ARHGEF11: variants seen among roughly 807,000 people sequenced by gnomAD.
ARHGEF11 encodes Rho guanine exchange factor (GEF) 11.
A neutral mutation model predicts 193.7 loss-of-function variants in ARHGEF11; 55 were observed. The observed-to-expected ratio is 0.28, with a 90% CI of 0.23 to 0.36. The LOEUF (loss-of-function observed/expected upper bound fraction) is 0.36. Among genes scored for constraint, ARHGEF11 ranks in the 10% least tolerant of loss-of-function variants. ARHGEF11 has a pLI of 1.00. For synonymous variants in ARHGEF11, 693 were observed against 768.0 expected (o/e 0.90, Z 1.62); for missense variants, 1,723 against 2,005.6 (o/e 0.86, Z 2.69).
In ARHGEF11 at chr1:156,948,148, CCAAA is replaced by C. The variant is rs758393746; in HGVS notation, c.2153+29_2153+32del. ...TGGGTGTGGATGGGACACAGAGACA[CCAAA>C]CAGAGGCACCACCGTGCCCATCACT... On this transcript the variant is annotated intron_variant, in intron 24 of 40. Transcript: ENST00000368194. This position sits in a 1 kb window ranked among gnomAD's most constrained non-coding sequence, Gnocchi z 4.2. 17 of 1,544,506 alleles carry C rather than the reference CCAAA, an allele frequency of 1.1e-5. No homozygotes were observed. The highest frequency in any genetic ancestry group is 5.7e-5 in the Admixed American group (3 of 52,264).
intron 37 of ARHGEF11, 184 bp from the exon 38 acceptor site, chr1:156,938,697 T>A: frequency 2.0e-6 from 1 of 510,722 alleles, no homozygotes. Context: ...TTTCCACCAA[T>A]TCACCGAGAG....
chr1:156,951,468 G>C, intron 22 of ARHGEF11, 105 bp downstream of exon 22: 2 of 1,479,190 alleles, frequency 1.4e-6, no homozygotes, highest in Non-Finnish European at 1.8e-6. Flanking sequence ...GGGAGCCTTA[G>C]AAGCTAGTGG....
chr1:156,951,827 G>C (rs1659155689), intron 21 of ARHGEF11, 128 bp from the exon 22 acceptor site: 8 of 1,224,822 alleles, frequency 6.5e-6, no homozygotes, highest in Non-Finnish European at 1.2e-6. Flanking sequence ...ACTGGACCAA[G>C]AGTCAGGAGA....
At chr1:157,035,277 G>A (rs1383937377) in intron 1 of ARHGEF11, among the ~76,000 whole-genome samples, 7 of 152,138 alleles carry the variant, frequency 4.6e-5, no homozygotes, top group Non-Finnish European at 1.5e-5. Context: ...CAGGACTGAG[G>A]GTAATTCAAG....
intron 21 of ARHGEF11, among the ~76,000 whole-genome samples, chr1:156,952,340 G>A (rs1659236283): frequency 1.3e-5 from 2 of 152,156 alleles, no homozygotes; most frequent in South Asian, 2.1e-4. Context: ...AGAGAGGGCA[G>A]ATGGTAGAGT....
intron 2 of ARHGEF11, 40 bp downstream of exon 2, chr1:156,986,042 T>G: frequency 6.5e-7 from 1 of 1,546,290 alleles, no homozygotes; most frequent in Non-Finnish European, 8.9e-7. Context: ...TGTGCCACCA[T>G]GCCTGGCTGT....
chr1:157,019,706 C>G (rs1260969881), intron 1 of ARHGEF11, among the ~76,000 whole-genome samples: 1 of 152,054 alleles, frequency 6.6e-6, no homozygotes, highest in Non-Finnish European at 1.5e-5. Flanking sequence ...GATAGACACA[C>G]CAATATAGAT....
chr1:157,025,335 CG>C (rs1244163511), intron 1 of ARHGEF11, among the ~76,000 whole-genome samples: 1 of 152,274 alleles, frequency 6.6e-6, no homozygotes, highest in African/African-American at 2.4e-5. Context: ...TTATCTTCCC[CG>C]ATGCATGTCG....
chr1:156,960,452 T>C lies in ARHGEF11; in HGVS notation c.1248A>G (p.Arg416=), dbSNP rs1557862963. 4 of 1,614,046 alleles carry C rather than the reference T, an allele frequency of 2.5e-6. No homozygotes were observed. The highest frequency in any genetic ancestry group is 1.7e-5 in the Admixed American group (1 of 60,018). The part of the protein sequence containing the change: ...NIFLEKNAPL[R]VKIPEMLQAE... ...CCTGTAGCATCTCAGGGATCTTCAC[T>C]CTCAGAGGCTAAAAAACAGAAGTGT... The change falls in exon 15 of 41, where the codon AGA becomes AGG. Residue 416 remains arginine (R), a synonymous_variant. Transcript: ENST00000368194.
At chr1:156,953,112 CAG>C (rs146991303) in intron 21 of ARHGEF11, among the ~76,000 whole-genome samples, 3,170 of 152,322 alleles carry the variant, frequency 0.021, 56 homozygotes, top group South Asian at 0.056. Context: ...CCCAGAGTAA[CAG>C]GGGAGAAACA....
intron 31 of ARHGEF11, 27 bp from the exon 32 acceptor site, chr1:156,944,129 G>T (rs1329662909): frequency 6.2e-7 from 1 of 1,606,536 alleles, no homozygotes; most frequent in South Asian, 1.1e-5. Flanking sequence ...ATGGGAAGGT[G>T]TTCCCTGGTG....
intron 18 of ARHGEF11, among the ~76,000 whole-genome samples, 196 bp from the exon 19 acceptor site, chr1:156,956,760 A>C (rs769339875): frequency 6.6e-6 from 1 of 152,228 alleles, no homozygotes; most frequent in Non-Finnish European, 1.5e-5. Flanking sequence ...TTCTCCACAC[A>C]GTGAGCCCAC....
In ARHGEF11 at chr1:156,935,803, AAG is replaced by A; in HGVS notation, c.*195_*196del. The A allele has an allele frequency of 1.6e-6, 1 of 607,648 alleles. No homozygotes were observed. Among genetic ancestry groups the A allele is most frequent in the East Asian group, 2.9e-5 (1 of 35,018 alleles). The allele number at this position is 607,648 out of a possible 1,614,324, so 37.6% of individuals were successfully genotyped here. ...TGGAGGGTTGGGCTAAGGGAGGGAA[AAG>A]ACACTGAAACCTGACTCCGACTTGA... On this transcript the variant is annotated 3_prime_UTR_variant, in exon 41 of 41. Coordinates refer to ENST00000368194, the MANE Select transcript of ARHGEF11 (RefSeq NM_198236.3).
At chr1:156,983,968 C>T (rs1172676926) in intron 3 of ARHGEF11, among the ~76,000 whole-genome samples, 1 of 152,194 alleles carries the variant, frequency 6.6e-6, no homozygotes, top group Non-Finnish European at 1.5e-5. Flanking sequence ...TAGAAAGTGA[C>T]CATCTGTGCA....
chr1:156,960,559 T>C, intron 14 of ARHGEF11, 99 bp from the exon 15 acceptor site: 1 of 1,137,216 alleles, frequency 8.8e-7, no homozygotes, highest in South Asian at 1.3e-5. Context: ...ATGAACTTCT[T>C]GCCTTTTCGC....
intron 37 of ARHGEF11, 62 bp downstream of exon 37, chr1:156,939,486 G>T (rs1017395055): frequency 1.9e-6 from 3 of 1,598,272 alleles, no homozygotes; most frequent in Non-Finnish European, 2.5e-6. Context: ...CAGCTGTTCG[G>T]AAGACTTATC....
intron 1 of ARHGEF11, among the ~76,000 whole-genome samples, chr1:156,988,400 T>C (rs1557909745): frequency 1.3e-5 from 2 of 152,180 alleles, no homozygotes; most frequent in African/African-American, 4.8e-5. Context: ...GCCTACTTTA[T>C]TCTCTATGAC....
At chr1:156,960,357 C>T in intron 15 of ARHGEF11, 61 bp downstream of exon 15, 1 of 1,566,532 alleles carries the variant, frequency 6.4e-7, no homozygotes. Context: ...CTGGAGCCTC[C>T]TGAGAGCTCA....
At chr1:157,011,934 T>C (rs1002309462) in intron 1 of ARHGEF11, among the ~76,000 whole-genome samples, 1 of 152,186 alleles carries the variant, frequency 6.6e-6, no homozygotes, top group Non-Finnish European at 1.5e-5. Context: ...TTCTTCAAAA[T>C]GTTAAACACA....
Sources: allele counts gnomAD v4.1 joint callset (sites outside exome capture counted in the v4.1 genomes callset), GRCh38; gene constraint gnomAD v4.1.1; non-coding constraint Gnocchi (gnomAD v3.1); transcripts MANE v1.5; gene names NCBI Gene and HGNC (gene_info 2026-07-23, HGNC 2026-07-21).